Variants in BCL2 observed in about 807,000 individuals in gnomAD.
BCL2 encodes the protein apoptosis regulator Bcl-2.
Under a neutral mutation model 14.2 loss-of-function variants are expected in BCL2, and 1 was observed. The ratio of observed to expected loss-of-function variants is 0.07; its 90% CI spans 0.02 to 0.33. BCL2 has a LOEUF of 0.33. Among genes scored for constraint, BCL2 ranks in the 10% least tolerant of loss-of-function variants. The pLI, the probability that BCL2 is intolerant of heterozygous loss-of-function variation, is 0.99. For synonymous variants in BCL2, 151 were observed against 137.2 expected (o/e 1.10, Z -0.70); for missense variants, 247 against 305.9 (o/e 0.81, Z 1.44).
At chr18:63,221,555 C>T (rs1328188996) in intron 2 of BCL2, among the ~76,000 whole-genome samples, 1 of 152,214 alleles carries the variant, frequency 6.6e-6, no homozygotes, top group South Asian at 2.1e-4. Flanking sequence ...TTCAGACTCT[C>T]GCAAATGCTC....
In BCL2 at chr18:63,127,167, G is replaced by A. The variant is rs1913931600; in HGVS notation, c.*1458C>T. 4.4e-6 allele frequency: 1 copy of A among 229,612 alleles called. No homozygotes were observed. Among genetic ancestry groups the A allele is most frequent in the East Asian group, 6.2e-5 (1 of 16,200 alleles). The allele number at this position is 229,612 out of a possible 1,614,324, so 14.2% of individuals were successfully genotyped here. On this transcript the variant is annotated 3_prime_UTR_variant, in exon 3 of 3. Transcript: ENST00000333681. ...GTTTTACATGTAATTCCATAGACAG[G>A]GGTCAATTAATCCATGACACCTCAC...
At chr18:63,164,219 T>G (rs896565750) in intron 2 of BCL2, among the ~76,000 whole-genome samples, 3 of 152,176 alleles carry the variant, frequency 2.0e-5, no homozygotes, top group Admixed American at 2.0e-4. Flanking sequence ...ATAAGAGATT[T>G]GAACCTCTGG....
At chr18:63,175,076 C>T (rs536472053) in intron 2 of BCL2, among the ~76,000 whole-genome samples, 5 of 152,274 alleles carry the variant, frequency 3.3e-5, no homozygotes, top group South Asian at 4.1e-4. Flanking sequence ...TATCGTCATT[C>T]GCAAGCCCCC....
Position 63,221,311 on chromosome 18 carries a change from A to C in BCL2, c.586-92552T>G, listed in dbSNP as rs1910385128. ...CAGGTTTAACACAAAATTAGATGTGAGTGTTCATTTTCAGCAAAATGGCAA... is the reference window on the plus strand; with the variant it reads ...CAGGTTTAACACAAAATTAGATGTGCGTGTTCATTTTCAGCAAAATGGCAA... On this transcript the variant is annotated intron_variant, in intron 2 of 2. Transcript: ENST00000333681. Among the ~76,000 whole-genome samples the C allele has an allele frequency of 2.0e-5, 3 of 152,140 alleles. No homozygotes were observed. In the South Asian group the frequency reaches 6.2e-4, roughly 32 times the overall value.
chr18:63,179,590 C>T (rs1351837026), intron 2 of BCL2, among the ~76,000 whole-genome samples: 6 of 152,162 alleles, frequency 3.9e-5, no homozygotes, highest in Non-Finnish European at 7.4e-5. Context: ...CCCTATGTTG[C>T]GGTGCGGAAG....
chr18:63,169,023 G>A (rs1239632397), intron 2 of BCL2, among the ~76,000 whole-genome samples: 1 of 152,162 alleles, frequency 6.6e-6, no homozygotes, highest in African/African-American at 2.4e-5. Context: ...GAATAAACAG[G>A]CAAAATTCCC....
intron 2 of BCL2, among the ~76,000 whole-genome samples, chr18:63,198,366 A>G (rs1909517556): frequency 6.6e-6 from 1 of 150,664 alleles, no homozygotes; most frequent in East Asian, 2.0e-4. Context: ...ACAGACACAC[A>G]CTGACATAGA....
At chr18:63,299,840 T>C (rs1011306173) in intron 2 of BCL2, among the ~76,000 whole-genome samples, 1 of 151,290 alleles carries the variant, frequency 6.6e-6, no homozygotes, top group Non-Finnish European at 1.5e-5. Context: ...CAAACTCTTA[T>C]GTATCCTTCA....
At position 63,149,946 on chromosome 18, in the gene BCL2, C is replaced by T. The variant is rs1019604573; in HGVS notation, c.586-21187G>A. ...CCAGGCTGGAGTGCAGTGGTGCGATCTCGGCTCACTGCAGCCTCTGCCTCC... is the reference window on the plus strand; with the variant it reads ...CCAGGCTGGAGTGCAGTGGTGCGATTTCGGCTCACTGCAGCCTCTGCCTCC... On this transcript the variant is annotated intron_variant, in intron 2 of 2. Transcript: ENST00000333681. This position sits in a 1 kb window ranked among gnomAD's most constrained non-coding sequence, Gnocchi z 4.2. 5.9e-5 allele frequency among the ~76,000 whole-genome samples: 9 copies of T among 152,174 alleles called. No homozygotes were observed. Among genetic ancestry groups the T allele is most frequent in the African/African-American group, 2.2e-4 (9 of 41,496 alleles).
intron 2 of BCL2, among the ~76,000 whole-genome samples, chr18:63,221,663 T>C (rs966550297): frequency 3.3e-5 from 5 of 152,178 alleles, no homozygotes; most frequent in African/African-American, 7.2e-5. Context: ...GCCCCTTTCC[T>C]AAATCTCAAA....
At chr18:63,273,651 A>G (rs780879547) in intron 2 of BCL2, among the ~76,000 whole-genome samples, 1 of 152,194 alleles carries the variant, frequency 6.6e-6, no homozygotes, top group Non-Finnish European at 1.5e-5. Flanking sequence ...GAAATGAGAG[A>G]GTTGAACCTA....
At chr18:63,248,245 T>G (rs1911207179) in intron 2 of BCL2, among the ~76,000 whole-genome samples, 1 of 152,264 alleles carries the variant, frequency 6.6e-6, no homozygotes, top group South Asian at 2.1e-4. Flanking sequence ...TCCACGGATC[T>G]GACCGGTGAG....
chr18:63,142,342 G>A (rs1421102388), intron 2 of BCL2, among the ~76,000 whole-genome samples: 1 of 152,222 alleles, frequency 6.6e-6, no homozygotes, highest in African/African-American at 2.4e-5. Context: ...TTTGGGACTG[G>A]TTAAGAAATC....
intron 2 of BCL2, among the ~76,000 whole-genome samples, chr18:63,244,728 G>C (rs1228041664): frequency 2.0e-5 from 3 of 152,116 alleles, no homozygotes; most frequent in Non-Finnish European, 4.4e-5. Context: ...CATTTCATCC[G>C]TCCTAGGCAG....
At chr18:63,200,838 G>A (rs141156421) in intron 2 of BCL2, among the ~76,000 whole-genome samples, 1 of 152,186 alleles carries the variant, frequency 6.6e-6, no homozygotes, top group African/African-American at 2.4e-5. Flanking sequence ...GCCTAGGCTG[G>A]TCTTGAACTC....
intron 2 of BCL2, among the ~76,000 whole-genome samples, chr18:63,265,077 G>A (rs1314864735): frequency 6.6e-6 from 1 of 152,180 alleles, no homozygotes; most frequent in African/African-American, 2.4e-5. Context: ...ACTCCAGGTG[G>A]CTCCAGCCAG....
intron 2 of BCL2, among the ~76,000 whole-genome samples, chr18:63,253,842 A>C (rs1302639176): frequency 6.6e-6 from 1 of 151,614 alleles, no homozygotes; most frequent in Non-Finnish European, 1.5e-5. Flanking sequence ...CCAGAAAAAA[A>C]AAAAAGAAAG....
At chr18:63,131,166 T>C (rs532451060) in intron 2 of BCL2, among the ~76,000 whole-genome samples, 86 of 152,212 alleles carry the variant, frequency 5.7e-4, no homozygotes, top group African/African-American at 1.9e-3. Flanking sequence ...TCACAGACCA[T>C]AGAAGAACAG....
chr18:63,169,403 T>TTG (rs1273015435), intron 2 of BCL2, among the ~76,000 whole-genome samples: 1 of 102,506 alleles, frequency 9.8e-6, no homozygotes, highest in Non-Finnish European at 1.8e-5. Flanking sequence ...CTTTCTTTCT[T>TTG]TTTCTTTCTC....
Sources: gnomAD v4.1 joint callset for allele counts (sites outside exome capture counted in the v4.1 genomes callset) on GRCh38, gnomAD v4.1.1 for gene constraint, Gnocchi (gnomAD v3.1) non-coding constraint, MANE v1.5 for transcripts, NCBI Gene and HGNC (gene_info 2026-07-23, HGNC 2026-07-21) for gene names.